BANK1: variants seen among roughly 807,000 people sequenced by gnomAD.
The protein encoded by BANK1 is B cell scaffold protein with ankyrin repeats 1.
A neutral mutation model predicts 94.5 loss-of-function variants in BANK1; 95 were observed. The observed-to-expected ratio is 1.00, with a 90% confidence interval of 0.85 to 1.19. The LOEUF is 1.19. BANK1 is among the 50% of genes most tolerant of loss of function. The pLI, the probability that BANK1 is intolerant of heterozygous loss-of-function variation, is 0.00. For synonymous variants in BANK1, 334 were observed against 308.4 expected (o/e 1.08, Z -0.87); for missense variants, 987 against 932.2 (o/e 1.06, Z -0.77).
intron 7 of BANK1, among the ~76,000 whole-genome samples, chr4:101,984,973 G>C (rs1434270144): frequency 6.6e-6 from 1 of 152,082 alleles, no homozygotes. Flanking sequence ...ATCTGTATTA[G>C]ATTAGGTTCT....
chr4:102,003,614 A>T (rs1043257542), intron 7 of BANK1, among the ~76,000 whole-genome samples: 1 of 152,132 alleles, frequency 6.6e-6, no homozygotes, highest in Non-Finnish European at 1.5e-5. Context: ...TGCAGAAGTC[A>T]TATTGAGGCA....
At chr4:101,898,698 A>G (rs1049033847) in intron 6 of BANK1, among the ~76,000 whole-genome samples, 1 of 152,062 alleles carries the variant, frequency 6.6e-6, no homozygotes, top group Non-Finnish European at 1.5e-5. Context: ...TTATTGCCGC[A>G]TCCTCAATTT....
intron 11 of BANK1, among the ~76,000 whole-genome samples, chr4:102,056,319 A>G (rs890110783): frequency 6.6e-6 from 1 of 152,178 alleles, no homozygotes; most frequent in Non-Finnish European, 1.5e-5. Context: ...TGATTCACAT[A>G]AAAGACTTAG....
chr4:102,053,110 A>T (rs1037025444), intron 11 of BANK1, among the ~76,000 whole-genome samples: 1 of 152,236 alleles, frequency 6.6e-6, no homozygotes, highest in South Asian at 2.1e-4. Flanking sequence ...GTTTGTTCTC[A>T]GTACATGGAA....
At chr4:102,011,842 G>A (rs1419993371) in intron 7 of BANK1, among the ~76,000 whole-genome samples, 3 of 151,894 alleles carry the variant, frequency 2.0e-5, no homozygotes, top group Non-Finnish European at 2.9e-5. Flanking sequence ...TGTATTTCTT[G>A]TCTAGAAATA....
At chr4:101,993,199 T>C (rs1725766980) in intron 7 of BANK1, among the ~76,000 whole-genome samples, 1 of 152,178 alleles carries the variant, frequency 6.6e-6, no homozygotes, top group African/African-American at 2.4e-5. Flanking sequence ...AGTATGCATG[T>C]CTGCATGCTC....
chr4:101,860,778 G>A (rs996616571), intron 3 of BANK1, among the ~76,000 whole-genome samples: 3 of 152,122 alleles, frequency 2.0e-5, no homozygotes, highest in African/African-American at 4.8e-5. Context: ...GTTGGGAGTC[G>A]GTTGGGTGGA....
chr4:101,942,360 A>G (rs1381615705), intron 7 of BANK1, among the ~76,000 whole-genome samples: 2 of 151,898 alleles, frequency 1.3e-5, no homozygotes, highest in African/African-American at 4.8e-5. Context: ...CACAGAGCAC[A>G]GAGCCTGTAG....
intron 1 of BANK1, among the ~76,000 whole-genome samples, chr4:101,817,830 ATT>A (rs35187351): frequency 6.8e-6 from 1 of 146,186 alleles, no homozygotes; most frequent in African/African-American, 2.5e-5. Context: ...ACATTATGAG[ATT>A]TTTTTTTTTT....
intron 7 of BANK1, among the ~76,000 whole-genome samples, chr4:101,990,804 G>A (rs1021419503): frequency 6.6e-6 from 1 of 151,988 alleles, no homozygotes; most frequent in South Asian, 2.1e-4. Flanking sequence ...GAAAATTTAG[G>A]CAAATTATTT....
chr4:101,879,841 A>G (rs1051746043), intron 5 of BANK1, among the ~76,000 whole-genome samples: 15 of 152,138 alleles, frequency 9.9e-5, no homozygotes, highest in Non-Finnish European at 1.5e-5. Context: ...GACAAAAACC[A>G]TATGATCATT....
chr4:101,861,454 C>G (rs1013737808), intron 3 of BANK1, among the ~76,000 whole-genome samples: 3 of 151,726 alleles, frequency 2.0e-5, no homozygotes, highest in Admixed American at 2.0e-4. Flanking sequence ...CTTATTATGA[C>G]TTGAAGAAAG....
intron 7 of BANK1, among the ~76,000 whole-genome samples, chr4:101,959,895 C>T (rs1724908959): frequency 6.6e-6 from 1 of 152,164 alleles, no homozygotes; most frequent in South Asian, 2.1e-4. Context: ...TATCCTCTGT[C>T]CCAAGTAGCA....
At chr4:101,874,246 G>T (rs1360464643) in intron 5 of BANK1, among the ~76,000 whole-genome samples, 2 of 152,098 alleles carry the variant, frequency 1.3e-5, no homozygotes, top group African/African-American at 4.8e-5. Flanking sequence ...AGCCAAATGG[G>T]TTTTGAATTA....
intron 7 of BANK1, among the ~76,000 whole-genome samples, chr4:101,933,732 T>C (rs1354550462): frequency 6.6e-6 from 1 of 151,448 alleles, no homozygotes; most frequent in Non-Finnish European, 1.5e-5. Context: ...CAAACATTTA[T>C]TGAAAGAGTG....
intron 7 of BANK1, among the ~76,000 whole-genome samples, chr4:101,926,089 C>T (rs1254060875): frequency 3.3e-5 from 5 of 151,530 alleles, no homozygotes; most frequent in African/African-American, 1.2e-4. Context: ...ATTCTTGATT[C>T]TTGAAGATAG....
At chr4:101,908,630 T>C (rs902550255) in intron 6 of BANK1, among the ~76,000 whole-genome samples, 1 of 152,086 alleles carries the variant, frequency 6.6e-6, no homozygotes, top group Non-Finnish European at 1.5e-5. Flanking sequence ...ACCTACAGAA[T>C]GGGAGAAAAT....
intron 11 of BANK1, among the ~76,000 whole-genome samples, chr4:102,050,530 C>T (rs114848708): frequency 0.025 from 3,882 of 152,258 alleles, 93 homozygotes; most frequent in Non-Finnish European, 0.039. Flanking sequence ...AACTATGTTT[C>T]AGAGACCACA....
At chr4:101,936,181 T>C (rs1723527850) in intron 7 of BANK1, among the ~76,000 whole-genome samples, 1 of 112,004 alleles carries the variant, frequency 8.9e-6, no homozygotes, top group African/African-American at 3.4e-5. Flanking sequence ...GAAAAAAATA[T>C]ATATGATATA....
Sources: gnomAD v4.1 joint callset for allele counts (sites outside exome capture counted in the v4.1 genomes callset) on GRCh38, gnomAD v4.1.1 for gene constraint, MANE v1.5 for transcripts, NCBI Gene and HGNC (gene_info 2026-07-23, HGNC 2026-07-21) for gene names.